The following LRRC69 variants were observed in gnomAD, a reference collection of about 807,000 sequenced individuals.
LRRC69 encodes the protein leucine rich repeat containing 69.
A neutral mutation model predicts 37.8 loss-of-function variants in LRRC69; 42 were observed. The ratio of observed to expected loss-of-function variants is 1.11; its 90% CI spans 0.87 to 1.44. The LOEUF is 1.44. Among genes scored for constraint, LRRC69 ranks in the 40% most tolerant of loss-of-function variants. The pLI, the probability that LRRC69 is intolerant of heterozygous loss-of-function variation, is 0.00. For missense variants in LRRC69, 357 were observed against 401.9 expected, an observed-to-expected ratio of 0.89 and a Z score of 0.96; for synonymous variants, 141 against 143.1, an observed-to-expected ratio of 0.99 and a Z score of 0.11.
At chr8:91,111,961 GT>G (rs1563592688) in intron 1 of LRRC69, among the ~76,000 whole-genome samples, 1 of 151,774 alleles carries the variant, frequency 6.6e-6, no homozygotes, top group African/African-American at 2.4e-5. Flanking sequence ...AAAGTACACC[GT>G]GCTATGCAAA....
chr8:91,212,752 A>G (rs1468529615), intron 7 of LRRC69, among the ~76,000 whole-genome samples: 1 of 152,206 alleles, frequency 6.6e-6, no homozygotes, highest in Non-Finnish European at 1.5e-5. Flanking sequence ...TTTAATGTAC[A>G]TTAGGTACTA....
intron 7 of LRRC69, among the ~76,000 whole-genome samples, chr8:91,205,036 A>G (rs1158622688): frequency 6.6e-6 from 1 of 152,188 alleles, no homozygotes; most frequent in Non-Finnish European, 1.5e-5. Flanking sequence ...TTCAGGATGC[A>G]TCTTGTCCAA....
At chr8:91,212,438 C>G (rs887669552) in intron 7 of LRRC69, among the ~76,000 whole-genome samples, 11 of 152,144 alleles carry the variant, frequency 7.2e-5, no homozygotes, top group African/African-American at 2.4e-5. Context: ...GTAATTAAAA[C>G]TACCCTCAAA....
chr8:91,195,745 C>T (rs1313330445), intron 6 of LRRC69, among the ~76,000 whole-genome samples: 4 of 151,992 alleles, frequency 2.6e-5, no homozygotes, highest in East Asian at 1.9e-4. Context: ...TGTCTCTGCA[C>T]GTGAGATGGG....
intron 3 of LRRC69, among the ~76,000 whole-genome samples, chr8:91,129,077 A>G (rs760269456): frequency 6.6e-6 from 1 of 152,064 alleles, no homozygotes; most frequent in African/African-American, 2.4e-5. Flanking sequence ...GCTCATTTAA[A>G]CTACAGAATA....
intron 5 of LRRC69, among the ~76,000 whole-genome samples, chr8:91,182,251 T>A (rs1809337842): frequency 6.6e-6 from 1 of 152,158 alleles, no homozygotes; most frequent in African/African-American, 2.4e-5. Flanking sequence ...AAGATTTTTT[T>A]AAAAACAGTT....
rs1221942913 is a variant in LRRC69, at chr8:91,215,649, TAAAA to T, written c.934-3240_934-3237del. 2.6e-5 allele frequency among the ~76,000 whole-genome samples: 4 copies of T among 152,302 alleles called. No homozygotes were observed. The East Asian group carries it at 7.7e-4, about 29-fold the overall frequency. Reference sequence around the variant, plus strand: ...TTGCTAAAATGATATTTTTTCAAAATAAAAGCATATATAATCACAGACCAACTCC... The same window carrying T: ...TTGCTAAAATGATATTTTTTCAAAATGCATATATAATCACAGACCAACTCC... On this transcript the variant is annotated intron_variant, in intron 7 of 7. Transcript: ENST00000448384.
intron 5 of LRRC69, among the ~76,000 whole-genome samples, chr8:91,154,696 A>G (rs28856597): frequency 0.033 from 4,988 of 151,926 alleles, 255 homozygotes; most frequent in African/African-American, 0.11. Context: ...AAAACTCTCA[A>G]TAAACTAGGT....
intron 5 of LRRC69, among the ~76,000 whole-genome samples, chr8:91,178,885 T>C (rs1242579395): frequency 6.6e-6 from 1 of 152,250 alleles, no homozygotes; most frequent in African/African-American, 2.4e-5. Context: ...TGGATGTTTA[T>C]GTGTACACAA....
At chr8:91,124,117 A>G (rs906183350) in intron 1 of LRRC69, among the ~76,000 whole-genome samples, 1 of 151,930 alleles carries the variant, frequency 6.6e-6, no homozygotes, top group Admixed American at 6.6e-5. Context: ...TCAGTAACTT[A>G]GCTCCTTTGC....
At chr8:91,218,990 C>G in exon 8 of LRRC69, 1 of 1,545,812 alleles carries the variant, frequency 6.5e-7, no homozygotes, top group Non-Finnish European at 8.8e-7. Context: ...TTTGGAATTG[C>G]TCAGGTGTAG....
chr8:91,103,571 A>G (rs576039501), intron 1 of LRRC69, among the ~76,000 whole-genome samples: 2 of 152,000 alleles, frequency 1.3e-5, no homozygotes, highest in Admixed American at 1.3e-4. Flanking sequence ...CTGAATTGTC[A>G]TCAGCACAGG....
chr8:91,207,792 ACT>A (rs1434035370), intron 7 of LRRC69, among the ~76,000 whole-genome samples: 2 of 152,116 alleles, frequency 1.3e-5, no homozygotes, highest in African/African-American at 4.8e-5. Context: ...GGTTACAGTG[ACT>A]CTTTTATGTG....
chr8:91,199,027 G>A (rs1223084685), intron 6 of LRRC69, among the ~76,000 whole-genome samples: 1 of 152,164 alleles, frequency 6.6e-6, no homozygotes, highest in Non-Finnish European at 1.5e-5. Context: ...AATCATAAAT[G>A]GAAAAAGTGA....
intron 6 of LRRC69, among the ~76,000 whole-genome samples, chr8:91,192,588 G>A (rs1248417604): frequency 1.3e-5 from 2 of 151,890 alleles, no homozygotes; most frequent in African/African-American, 4.8e-5. Flanking sequence ...GCATTTCTCT[G>A]ATGGCCAGTG....
At chr8:91,178,780 A>G (rs1809277329) in intron 5 of LRRC69, among the ~76,000 whole-genome samples, 1 of 152,206 alleles carries the variant, frequency 6.6e-6, no homozygotes, top group South Asian at 2.1e-4. Flanking sequence ...GCTTCTAGCA[A>G]CAAATCTTTC....
At chr8:91,176,132 A>ATTTTT (rs1331458493) in intron 5 of LRRC69, among the ~76,000 whole-genome samples, 41 of 15,178 alleles carry the variant, frequency 2.7e-3, no homozygotes, top group African/African-American at 6.2e-3. Flanking sequence ...ATATATATAT[A>ATTTTT]TATTTTTTTT....
At chr8:91,116,024 TAA>T (rs1277106580) in intron 1 of LRRC69, among the ~76,000 whole-genome samples, 3 of 152,038 alleles carry the variant, frequency 2.0e-5, no homozygotes, top group African/African-American at 7.2e-5. Context: ...CTATGCCTAA[TAA>T]AAGAGTGCTT....
At chr8:91,211,595 AATATAT>A (rs144378729) in intron 7 of LRRC69, among the ~76,000 whole-genome samples, 15 of 140,434 alleles carry the variant, frequency 1.1e-4, no homozygotes, top group Non-Finnish European at 2.3e-4. Context: ...CAATTATACA[AATATAT>A]ATATATATAT....
Sources: gnomAD v4.1 joint callset for allele counts (sites outside exome capture counted in the v4.1 genomes callset) on GRCh38, gnomAD v4.1.1 for gene constraint, MANE v1.5 for transcripts, NCBI Gene and HGNC (gene_info 2026-07-23, HGNC 2026-07-21) for gene names.